GPR158: variants seen among roughly 807,000 people sequenced by gnomAD.
GPR158 encodes metabotropic glycine receptor.
A neutral mutation model predicts 78.2 loss-of-function variants in GPR158; 30 were observed. The observed-to-expected ratio is 0.38, with a 90% CI of 0.29 to 0.52. The LOEUF is 0.52. GPR158 is among the 20% of genes least tolerant of loss of function. The pLI, the probability that GPR158 is intolerant of heterozygous loss-of-function variation, is 0.83. For synonymous variants in GPR158, 581 were observed against 591.1 expected, an observed-to-expected ratio of 0.98 and a Z score of 0.25; for missense variants, 1,463 against 1,523.5, an observed-to-expected ratio of 0.96 and a Z score of 0.66.
Position 25,247,768 on chromosome 10 carries a change from A to G in GPR158, c.1008+26611A>G, listed in dbSNP as rs1360815407. ...CTTTGCTATTGTGAATAATGCTGCAATAAACATACGTGTGCATGTGTCTTT... is the reference window on the plus strand; with the variant it reads ...CTTTGCTATTGTGAATAATGCTGCAGTAAACATACGTGTGCATGTGTCTTT... On this transcript the variant is annotated intron_variant, in intron 2 of 10. Coordinates refer to ENST00000376351, the MANE Select transcript of GPR158 (RefSeq NM_020752.3). 3.2e-3 allele frequency among the ~76,000 whole-genome samples: 486 copies of G among 151,818 alleles called. 2 individuals are homozygous for G. Among genetic ancestry groups the G allele is most frequent in the African/African-American group, 0.011 (462 of 41,352 alleles).
Position 25,175,007 on chromosome 10 carries a change from C to G in GPR158, c.-414C>G, listed in dbSNP as rs908338546. On this transcript the variant is annotated 5_prime_UTR_variant, in exon 1 of 11. Coordinates refer to ENST00000376351, the MANE Select transcript of GPR158 (RefSeq NM_020752.3). The surrounding 1 kb of genome is among the most constrained non-coding windows in gnomAD (Gnocchi z 6.4). ...ACCTGCGGCGGGTGAGACTATGGAGCAGCGTCTTCGGCGGCCGCGGCGGCA... is the reference window on the plus strand; with the variant it reads ...ACCTGCGGCGGGTGAGACTATGGAGGAGCGTCTTCGGCGGCCGCGGCGGCA... 6.1e-5 allele frequency: 11 copies of G among 180,574 alleles called. No individual in the cohort carries two copies. The highest frequency in any genetic ancestry group is 1.2e-4 in the Non-Finnish European group (10 of 86,720). The allele number at this position is 180,574 out of a possible 1,614,324, so 11.2% of individuals were successfully genotyped here. A position where few individuals can be genotyped will look rare whatever the true frequency, so the allele number is the denominator to read the frequency against.
At chr10:25,424,319 T>G (rs1834790849) in intron 4 of GPR158, among the ~76,000 whole-genome samples, 1 of 152,184 alleles carries the variant, frequency 6.6e-6, no homozygotes, top group South Asian at 2.1e-4. Context: ...TTTCTCCCAT[T>G]CTGTAGGTTG....
chr10:25,453,172 T>C (rs1835244779), intron 4 of GPR158, among the ~76,000 whole-genome samples: 1 of 152,196 alleles, frequency 6.6e-6, no homozygotes, highest in African/African-American at 2.4e-5. Flanking sequence ...TAGTAAATAA[T>C]GCACAGTGAA....
At chr10:25,413,687 G>C (rs573531458) in intron 4 of GPR158, among the ~76,000 whole-genome samples, 11 of 152,236 alleles carry the variant, frequency 7.2e-5, no homozygotes, top group African/African-American at 2.6e-4. Context: ...CTATTATGAA[G>C]CCTCAAGGTA....
At chr10:25,241,409 C>CTCTTCTCTTCTCTTCTCTTTTCTTT (rs1302467821) in intron 2 of GPR158, among the ~76,000 whole-genome samples, 9 of 108,152 alleles carry the variant, frequency 8.3e-5, no homozygotes, top group East Asian at 2.3e-4. Flanking sequence ...CTCTTCTCTT[C>CTCTTCTCTTCTCTTCTCTTTTCTTT]TCTTTTCTTT....
chr10:25,281,476 G>C (rs2130754098), intron 2 of GPR158, among the ~76,000 whole-genome samples: 1 of 151,836 alleles, frequency 6.6e-6, no homozygotes, highest in Non-Finnish European at 1.5e-5. Context: ...TACTTGGGAG[G>C]CTTAAGTGAG....
intron 1 of GPR158, among the ~76,000 whole-genome samples, chr10:25,215,374 G>A (rs1478044747): frequency 1.3e-5 from 2 of 152,018 alleles, no homozygotes; most frequent in Non-Finnish European, 2.9e-5. Flanking sequence ...GCAGAGTTGA[G>A]GAATAGGGAT....
At chr10:25,295,265 C>T (rs1414285816) in intron 2 of GPR158, among the ~76,000 whole-genome samples, 1 of 152,180 alleles carries the variant, frequency 6.6e-6, no homozygotes, top group East Asian at 1.9e-4. Context: ...TAGTCCAAAC[C>T]ATCATGTTGT....
At chr10:25,568,885 G>A (rs1836966741) in intron 6 of GPR158, among the ~76,000 whole-genome samples, 1 of 152,056 alleles carries the variant, frequency 6.6e-6, no homozygotes, top group Non-Finnish European at 1.5e-5. Context: ...ACTTATCTAT[G>A]AAAAAATAGT....
chr10:25,240,676 A>C (rs929048664), intron 2 of GPR158, among the ~76,000 whole-genome samples: 4 of 152,252 alleles, frequency 2.6e-5, no homozygotes, highest in African/African-American at 9.6e-5. Flanking sequence ...TGGAATAAGC[A>C]GAACTTTATA....
chr10:25,359,837 A>C (rs2130531805), intron 2 of GPR158, among the ~76,000 whole-genome samples: 1 of 152,302 alleles, frequency 6.6e-6, no homozygotes, highest in Middle Eastern at 3.4e-3. Flanking sequence ...GAATCACCAC[A>C]CTGTCTTTCA....
intron 2 of GPR158, among the ~76,000 whole-genome samples, chr10:25,238,682 TA>T (rs1462350034): frequency 6.6e-6 from 1 of 152,184 alleles, no homozygotes; most frequent in Non-Finnish European, 1.5e-5. Context: ...ATGTAGGACT[TA>T]AACCATCAAA....
intron 2 of GPR158, among the ~76,000 whole-genome samples, chr10:25,230,368 A>G (rs1282133736): frequency 3.3e-5 from 5 of 152,190 alleles, no homozygotes; most frequent in African/African-American, 9.7e-5. Context: ...GTTGTTCTCT[A>G]TATCTGGAGA....
chr10:25,227,982 A>C (rs1436345474), intron 2 of GPR158, among the ~76,000 whole-genome samples: 1 of 152,220 alleles, frequency 6.6e-6, no homozygotes, highest in Non-Finnish European at 1.5e-5. Context: ...AATGTTTATA[A>C]ATTTTTTGAC....
intron 5 of GPR158, among the ~76,000 whole-genome samples, chr10:25,548,630 A>G (rs1267466786): frequency 6.6e-6 from 1 of 152,162 alleles, no homozygotes; most frequent in Non-Finnish European, 1.5e-5. Context: ...CACAACTAAG[A>G]AAGAGTAGAC....
chr10:25,442,841 G>A (rs11014561), intron 4 of GPR158, among the ~76,000 whole-genome samples: 14,635 of 152,030 alleles, frequency 0.096, 768 homozygotes, highest in East Asian at 0.16. Flanking sequence ...TCCACTGATT[G>A]TTATAGTACC....
At chr10:25,573,584 T>G (rs1196855179) in intron 7 of GPR158, among the ~76,000 whole-genome samples, 1 of 152,264 alleles carries the variant, frequency 6.6e-6, no homozygotes, top group Non-Finnish European at 1.5e-5. Context: ...GGAATTTTTC[T>G]GTTGCTCATA....
chr10:25,205,988 C>CT lies in GPR158; in HGVS notation c.903-15048dup, dbSNP rs34835235. Among the ~76,000 whole-genome samples, 243 of 135,544 alleles carry CT rather than the reference C, an allele frequency of 1.8e-3. No homozygotes were observed. The East Asian group carries it at 0.028, about 16-fold the overall frequency. The allele number at this position is 135,544 out of a possible 152,430, so 88.9% of individuals were successfully genotyped here. A position where few individuals can be genotyped will look rare whatever the true frequency, so the allele number is the denominator to read the frequency against. On this transcript the variant is annotated intron_variant, in intron 1 of 10. Coordinates refer to ENST00000376351, the MANE Select transcript of GPR158 (RefSeq NM_020752.3). The stretch of plus-strand genomic sequence containing the variant: ...AGTTCACATCCAAATGTGGGTCCCT[C>CT]TTTTTTTTTTTTTTTTGAGATGGAG...
chr10:25,243,294 A>T (rs952885757), intron 2 of GPR158, among the ~76,000 whole-genome samples: 7 of 152,090 alleles, frequency 4.6e-5, no homozygotes, highest in Admixed American at 3.9e-4. Flanking sequence ...CTAACACCTC[A>T]CTGGTCATCA....
Sources: gnomAD v4.1 joint callset for allele counts (sites outside exome capture counted in the v4.1 genomes callset) on GRCh38, gnomAD v4.1.1 for gene constraint, Gnocchi (gnomAD v3.1) non-coding constraint, MANE v1.5 for transcripts, NCBI Gene and HGNC (gene_info 2026-07-23, HGNC 2026-07-21) for gene names.